FA2H: variants seen among roughly 807,000 people sequenced by gnomAD.
FA2H encodes fatty acid alpha-hydroxylase.
FA2H carries 22 observed loss-of-function variants against 44.9 expected under a neutral mutation model. The observed-to-expected ratio is 0.49, with a 90% CI of 0.35 to 0.70. The LOEUF (loss-of-function observed/expected upper bound fraction) is 0.70, where lower values mean the gene tolerates loss of function less well. Ranked by LOEUF, FA2H falls within the 30% of genes least tolerant of loss-of-function variation. FA2H has a pLI of 0.01. For missense variants in FA2H, 501 were observed against 504.9 expected (o/e 0.99, Z 0.07); for synonymous variants, 243 against 213.2 (o/e 1.14, Z -1.22).
chr16:74,752,690 T>G (rs961282940), intron 1 of FA2H, among the ~76,000 whole-genome samples: 4 of 152,164 alleles, frequency 2.6e-5, no homozygotes, highest in Non-Finnish European at 5.9e-5. Flanking sequence ...GAGGAAATAT[T>G]AGCATATTTG....
At position 74,758,280 on chromosome 16, in the gene FA2H, C is replaced by T. The variant is rs139988987; in HGVS notation, c.270+16206G>A. ...GGATTATAGGCGCACACCACCACAC[C>T]CGGCTAATTTTTTGTATTTTTAGTA... On this transcript the variant is annotated intron_variant, in intron 1 of 6. Coordinates refer to ENST00000219368, the MANE Select transcript of FA2H (RefSeq NM_024306.5). Among the ~76,000 whole-genome samples the T allele has an allele frequency of 3.4e-4, 52 of 151,692 alleles. 1 individual carries two copies. In the East Asian group the frequency reaches 9.2e-3, roughly 27 times the overall value.
At chr16:74,726,631 C>T (rs908501098) in intron 3 of FA2H, among the ~76,000 whole-genome samples, 1 of 152,234 alleles carries the variant, frequency 6.6e-6, no homozygotes, top group Non-Finnish European at 1.5e-5. Context: ...AGGTGATCCA[C>T]CCACCTTGGC....
rs551475138 is a variant in FA2H at position 74,749,160 on chromosome 16, G to C, written c.271-9045C>G. Among the ~76,000 whole-genome samples the C allele has an allele frequency of 3.5e-4, 54 of 152,262 alleles. 1 individual carries two copies. Among genetic ancestry groups the C allele is most frequent in the African/African-American group, 1.2e-3 (50 of 41,542 alleles). ...CGGCCCCCAGGGAGCAGTCCCCTTC[G>C]AGCTGGTTGTTTTTGGTAAAAGCTT... On this transcript the variant is annotated intron_variant, in intron 1 of 6. Coordinates refer to ENST00000219368, the MANE Select transcript of FA2H (RefSeq NM_024306.5).
At chr16:74,736,264 C>T (rs1230208422) in intron 2 of FA2H, among the ~76,000 whole-genome samples, 1 of 152,120 alleles carries the variant, frequency 6.6e-6, no homozygotes, top group Non-Finnish European at 1.5e-5. Flanking sequence ...CTTGGGGAGG[C>T]CCTTTGGATG....
At chr16:74,732,699 G>C (rs538556307) in intron 2 of FA2H, among the ~76,000 whole-genome samples, 3 of 152,186 alleles carry the variant, frequency 2.0e-5, no homozygotes, top group African/African-American at 7.2e-5. Context: ...GCCTCCCAAA[G>C]TGCTGGGATT....
intron 6 of FA2H, 55 bp downstream of exon 6, chr16:74,716,292 G>A: frequency 1.9e-6 from 3 of 1,594,802 alleles, no homozygotes; most frequent in Non-Finnish European, 1.7e-6. Flanking sequence ...ATGGTAGTTG[G>A]CAAATAAATC....
chr16:74,749,734 C>T (rs1962497326), intron 1 of FA2H, among the ~76,000 whole-genome samples: 1 of 152,206 alleles, frequency 6.6e-6, no homozygotes, highest in Non-Finnish European at 1.5e-5. Context: ...TGTGGGTTTT[C>T]AAGCCACTAA....
At chr16:74,736,344 G>A (rs1250008870) in intron 2 of FA2H, among the ~76,000 whole-genome samples, 1 of 152,306 alleles carries the variant, frequency 6.6e-6, no homozygotes, top group Middle Eastern at 3.4e-3. Flanking sequence ...GGGGACCCAA[G>A]GCGACTAGGC....
At chr16:74,767,264 G>T (rs1384079662) in intron 1 of FA2H, among the ~76,000 whole-genome samples, 2 of 152,100 alleles carry the variant, frequency 1.3e-5, no homozygotes, top group African/African-American at 2.4e-5. Flanking sequence ...AGCCGAGATT[G>T]TGCCATTGCA....
chr16:74,731,899 G>C (rs987548792), intron 2 of FA2H, among the ~76,000 whole-genome samples: 4 of 151,958 alleles, frequency 2.6e-5, no homozygotes, highest in Admixed American at 6.6e-5. Context: ...TTGAGACAGG[G>C]ACTTGCTCTG....
rs936092916 is a variant in FA2H, at chr16:74,735,040, C to G, written c.363+4983G>C. On this transcript the variant is annotated intron_variant, in intron 2 of 6. Coordinates refer to ENST00000219368, the MANE Select transcript of FA2H (RefSeq NM_024306.5). ...CAGCTGGGGCTCAGGCCTCACATCC[C>G]CTATCCTTCATGAGCCTTAATTCTG... Among the ~76,000 whole-genome samples the G allele has an allele frequency of 2.0e-5, 3 of 152,204 alleles. No individual in the cohort carries two copies. In the East Asian group the frequency reaches 5.8e-4, roughly 29 times the overall value.
intron 1 of FA2H, among the ~76,000 whole-genome samples, chr16:74,765,406 C>T (rs981635576): frequency 6.6e-6 from 1 of 152,326 alleles, no homozygotes; most frequent in Non-Finnish European, 1.5e-5. Flanking sequence ...ATCCGCCTGC[C>T]TTGGCCTCCC....
At chr16:74,738,275 G>A (rs1353609459) in intron 2 of FA2H, among the ~76,000 whole-genome samples, 2 of 152,196 alleles carry the variant, frequency 1.3e-5, no homozygotes, top group East Asian at 1.9e-4. Flanking sequence ...CTGGCCCGGA[G>A]CCAGGCAGGG....
chr16:74,734,269 C>T (rs1415979803), intron 2 of FA2H, among the ~76,000 whole-genome samples: 1 of 152,232 alleles, frequency 6.6e-6, no homozygotes, highest in Non-Finnish European at 1.5e-5. Context: ...TCCCCTTTTA[C>T]AGCAGTGGAA....
At chr16:74,741,773 A>AATATAT (rs57773726) in intron 1 of FA2H, among the ~76,000 whole-genome samples, 946 of 47,862 alleles carry the variant, frequency 0.02, 27 homozygotes, top group Middle Eastern at 0.045. Flanking sequence ...CACCTGATTA[A>AATATAT]ATATATATAT....
chr16:74,721,187 G>C (rs1961828950), intron 4 of FA2H, among the ~76,000 whole-genome samples: 1 of 151,078 alleles, frequency 6.6e-6, no homozygotes, highest in African/African-American at 2.4e-5. Context: ...TTTTTTGTGA[G>C]GCAGAGTTTC....
chr16:74,745,937 T>C (rs241376), intron 1 of FA2H, among the ~76,000 whole-genome samples: 75,568 of 151,714 alleles, frequency 0.5, 19,296 homozygotes, highest in Admixed American at 0.57. Flanking sequence ...TCCTGAGTAG[T>C]TGGGACTACA....
rs145944015 is a variant in FA2H, at chr16:74,761,309, C to T, written c.270+13177G>A. Among the ~76,000 whole-genome samples, 357 of 151,930 alleles carry T rather than the reference C, an allele frequency of 2.3e-3. 2 individuals carry two copies. The highest frequency in any genetic ancestry group is 8.1e-3 in the African/African-American group (337 of 41,428). On this transcript the variant is annotated intron_variant, in intron 1 of 6. Coordinates refer to ENST00000219368, the MANE Select transcript of FA2H (RefSeq NM_024306.5). ...CTCTACTAAAAATACAAAAATTAGC[C>T]GGGCATGGCGGCATACACCTGTAAT... is the stretch of plus-strand genomic sequence containing the variant.
intron 1 of FA2H, among the ~76,000 whole-genome samples, chr16:74,760,962 G>A (rs1382757210): frequency 1.3e-5 from 2 of 152,206 alleles, no homozygotes; most frequent in East Asian, 1.9e-4. Flanking sequence ...TATGGGGCGG[G>A]GTGGGAGGAG....
Sources: allele counts gnomAD v4.1 joint callset (sites outside exome capture counted in the v4.1 genomes callset), GRCh38; gene constraint gnomAD v4.1.1; transcripts MANE v1.5; gene names NCBI Gene and HGNC (gene_info 2026-07-23, HGNC 2026-07-21).